The following SIPA1L2 variants were observed in gnomAD, a reference collection of about 807,000 sequenced individuals.
SIPA1L2 encodes signal induced proliferation associated 1 like 2.
Under a neutral mutation model 163.9 loss-of-function variants are expected in SIPA1L2, and 56 were observed. That is an observed-to-expected ratio of 0.34 (90% CI 0.28 to 0.43). The LOEUF (loss-of-function observed/expected upper bound fraction) is 0.43. Ranked by LOEUF, SIPA1L2 falls within the 20% of genes least tolerant of loss-of-function variation. The pLI is 1.00. For missense variants in SIPA1L2, 1,974 were observed against 2,193.5 expected (o/e 0.90, Z 2.00); for synonymous variants, 877 against 865.7 (o/e 1.01, Z -0.23).
chr1:232,541,325 A>C (rs1221288331), intron 2 of SIPA1L2, among the ~76,000 whole-genome samples: 1 of 151,022 alleles, frequency 6.6e-6, no homozygotes, highest in Admixed American at 6.6e-5. Flanking sequence ...TGGGCTTGCC[A>C]TTTATTAATA....
intron 11 of SIPA1L2, among the ~76,000 whole-genome samples, chr1:232,444,961 T>C (rs1397022660): frequency 6.6e-6 from 1 of 152,260 alleles, no homozygotes; most frequent in Non-Finnish European, 1.5e-5. Context: ...TAAAATGATC[T>C]ATGCAAATTA....
chr1:232,453,085 A>AT (rs1199152180), intron 10 of SIPA1L2, among the ~76,000 whole-genome samples: 3 of 152,232 alleles, frequency 2.0e-5, no homozygotes, highest in Non-Finnish European at 4.4e-5. Context: ...ATTGAAAAAA[A>AT]TCTTTAAAGC....
intron 16 of SIPA1L2, among the ~76,000 whole-genome samples, 194 bp from the exon 17 acceptor site, chr1:232,428,758 A>G (rs1037379176): frequency 3.3e-5 from 5 of 152,152 alleles, no homozygotes; most frequent in African/African-American, 1.2e-4. Flanking sequence ...GCTCAACTAC[A>G]AAGTTAGATG....
At chr1:232,604,170 T>A (rs1661765743) in intron 1 of SIPA1L2, among the ~76,000 whole-genome samples, 1 of 150,830 alleles carries the variant, frequency 6.6e-6, no homozygotes, top group South Asian at 2.1e-4. Flanking sequence ...GAACTTCCCC[T>A]GTGAGAATCT....
chr1:232,526,857 A>G (rs1667736243), intron 2 of SIPA1L2, among the ~76,000 whole-genome samples: 1 of 152,168 alleles, frequency 6.6e-6, no homozygotes, highest in Non-Finnish European at 1.5e-5. Flanking sequence ...GCCCACATCA[A>G]GACTGTGCCC....
At chr1:232,458,200 T>C (rs1418882600) in intron 10 of SIPA1L2, among the ~76,000 whole-genome samples, 2 of 152,188 alleles carry the variant, frequency 1.3e-5, no homozygotes, top group East Asian at 1.9e-4. Context: ...ATGACATTAA[T>C]GAGACTCCTA....
chr1:232,568,397 C>A (rs789650), intron 2 of SIPA1L2, among the ~76,000 whole-genome samples: 1 of 152,112 alleles, frequency 6.6e-6, no homozygotes, highest in East Asian at 1.9e-4. Flanking sequence ...GGTGTGGGGG[C>A]AAACTGCCAA....
At chr1:232,403,789 T>C (rs2102743302) in intron 20 of SIPA1L2, among the ~76,000 whole-genome samples, 1 of 152,330 alleles carries the variant, frequency 6.6e-6, no homozygotes, top group Non-Finnish European at 1.5e-5. Context: ...GTATGGCCTA[T>C]GCACATCACA....
intron 19 of SIPA1L2, among the ~76,000 whole-genome samples, chr1:232,414,249 T>G (rs1352509558): frequency 1.3e-5 from 2 of 152,196 alleles, no homozygotes; most frequent in African/African-American, 2.4e-5. Flanking sequence ...GCCTTTCACC[T>G]ACTTCCCCTG....
At position 232,441,358 on chromosome 1, in the gene SIPA1L2, C is replaced by T. The variant is rs535220767; in HGVS notation, c.3575G>A (p.Gly1192Asp). The T allele has an allele frequency of 1.4e-5, 23 of 1,597,682 alleles. No homozygotes were observed. The highest frequency in any genetic ancestry group is 5.6e-5 in the Admixed American group (3 of 53,490). Residue 1192 changes from glycine to aspartate, a missense_variant, in exon 14 of 23, where the codon GGT (glycine) becomes GAT (aspartate). Physicochemically the swap from Gly to Asp is moderately conservative, Grantham distance 94. This residue lies in a region of SIPA1L2 where 1,079 missense variants were observed against 1,150.7 expected (regional missense o/e 0.94). Coordinates refer to ENST00000674635, the MANE Select transcript of SIPA1L2 (RefSeq NM_020808.5). ...CTGCAGAGCTCTTTCTTTATAGGAA[C>T]CCAGGACTTTGGAAGGTGGGCCATG... The part of the protein sequence containing the change: ...KWHGPPSKVL[G>D]SYKERALQKD...
chr1:232,536,100 G>A (rs538736050), intron 2 of SIPA1L2, among the ~76,000 whole-genome samples: 25 of 152,282 alleles, frequency 1.6e-4, no homozygotes, highest in African/African-American at 5.5e-4. Context: ...TTGGCTGCTA[G>A]GTCAGAGACA....
chr1:232,614,187 G>A (rs545894793), intron 1 of SIPA1L2, among the ~76,000 whole-genome samples: 4 of 151,334 alleles, frequency 2.6e-5, no homozygotes, highest in African/African-American at 7.3e-5. Flanking sequence ...GTGTAACAGC[G>A]TAAGAAGAGA....
chr1:232,568,540 G>A (rs1659533295), intron 2 of SIPA1L2, among the ~76,000 whole-genome samples: 1 of 152,106 alleles, frequency 6.6e-6, no homozygotes, highest in African/African-American at 2.4e-5. Context: ...GGGTTCAGGT[G>A]CTGCAGAAAA....
At position 232,441,383 on chromosome 1, in the gene SIPA1L2, G is replaced by A. The variant is rs1447784400; in HGVS notation, c.3550C>T (p.His1184Tyr). The change falls in exon 14 of 23, where the codon CAT becomes TAT. Residue 1184 changes from histidine to tyrosine, a missense_variant. By Grantham distance (83) the His-to-Tyr change is moderately conservative (BLOSUM62 2). Around this residue, in one of 3 missense-constraint regions of SIPA1L2, gnomAD observed 1,079 missense variants for 1,150.7 expected, o/e 0.94. Coordinates refer to ENST00000674635, the MANE Select transcript of SIPA1L2 (RefSeq NM_020808.5). ...CCCAGGACTTTGGAAGGTGGGCCAT[G>A]CCATTTGGTTTCTGTCACATAAAAA... ...EASRHPETKW[H>Y]GPPSKVLGSY... The A allele has an allele frequency of 3.7e-6, 6 of 1,601,682 alleles. No homozygotes were observed. The Admixed American group carries it at 1.1e-4, about 29-fold the overall frequency.
chr1:232,403,433 C>A lies in SIPA1L2; in HGVS notation c.4940+15G>T. 6.2e-7 allele frequency: 1 copy of A among 1,610,694 alleles called. No homozygotes were observed. The highest frequency in any genetic ancestry group is 8.5e-7 in the Non-Finnish European group (1 of 1,178,384). On this transcript the variant is annotated intron_variant, in intron 21 of 22. Coordinates refer to ENST00000674635, the MANE Select transcript of SIPA1L2 (RefSeq NM_020808.5). Reference sequence around the variant, plus strand: ...TGGAACAGCAGGAGGGAGGGGTCCACAGGGGCTCACATACCCAGTTGTGTC... The same window carrying A: ...TGGAACAGCAGGAGGGAGGGGTCCAAAGGGGCTCACATACCCAGTTGTGTC...
At chr1:232,454,639 C>T (rs1447190005) in intron 10 of SIPA1L2, among the ~76,000 whole-genome samples, 1 of 152,160 alleles carries the variant, frequency 6.6e-6, no homozygotes, top group East Asian at 1.9e-4. Context: ...CACGGTGTAA[C>T]CTGTCAAGCA....
intron 3 of SIPA1L2, among the ~76,000 whole-genome samples, chr1:232,511,678 C>T (rs116830201): frequency 0.018 from 2,706 of 152,178 alleles, 78 homozygotes; most frequent in African/African-American, 0.06. Context: ...CTCCCCAACC[C>T]ACTCCAATAA....
intron 2 of SIPA1L2, among the ~76,000 whole-genome samples, chr1:232,553,356 G>A (rs1658511781): frequency 6.6e-6 from 1 of 152,094 alleles, no homozygotes; most frequent in Non-Finnish European, 1.5e-5. Context: ...GGAGCCTGGG[G>A]TTTGGGGTTT....
intron 2 of SIPA1L2, among the ~76,000 whole-genome samples, chr1:232,525,643 A>C (rs912072235): frequency 2.6e-5 from 4 of 152,110 alleles, no homozygotes; most frequent in African/African-American, 9.7e-5. Flanking sequence ...TGTCGTAGAC[A>C]GCACAAAAGA....
Sources: allele counts gnomAD v4.1 joint callset (sites outside exome capture counted in the v4.1 genomes callset), GRCh38; gene constraint gnomAD v4.1.1; regional missense constraint gnomAD v4.1.1; transcripts MANE v1.5; gene names NCBI Gene and HGNC (gene_info 2026-07-23, HGNC 2026-07-21).